ATP10A: variants seen among roughly 807,000 people sequenced by gnomAD.
The protein encoded by ATP10A is phospholipid-transporting ATPase VA.
In ATP10A, 111 loss-of-function variants were observed where a neutral mutation model predicts 147.8. The observed-to-expected ratio is 0.75, with a 90% CI of 0.64 to 0.88. The LOEUF (loss-of-function observed/expected upper bound fraction) is 0.88, where lower values mean the gene tolerates loss of function less well. Ranked by LOEUF, ATP10A falls within the 40% of genes least tolerant of loss-of-function variation. The probability of loss-of-function intolerance (pLI) is 0.00; values close to 1 mark genes in which losing one functional copy is unlikely to be tolerated. For synonymous variants in ATP10A, 875 were observed against 841.6 expected, an observed-to-expected ratio of 1.04 and a Z score of -0.69; for missense variants, 1,927 against 1,959.0, an observed-to-expected ratio of 0.98 and a Z score of 0.31.
downstream of ATP10A, among the ~76,000 whole-genome samples, chr15:25,674,137 T>C (rs1171579715): frequency 1.3e-5 from 2 of 152,204 alleles, no homozygotes; most frequent in Non-Finnish European, 2.9e-5. Flanking sequence ...ATGAGTTGCA[T>C]GGTGCCCTGA....
At chr15:25,835,324 T>G (rs756334409) in intron 1 of ATP10A, among the ~76,000 whole-genome samples, 1 of 152,158 alleles carries the variant, frequency 6.6e-6, no homozygotes. Flanking sequence ...TGGCAATGGA[T>G]GCAAAACTCT....
At chr15:25,706,579 G>C (rs886992634) in intron 12 of ATP10A, among the ~76,000 whole-genome samples, 2 of 152,202 alleles carry the variant, frequency 1.3e-5, no homozygotes, top group South Asian at 4.1e-4. Flanking sequence ...GGGCTCCTGG[G>C]CTCTGAGAGC....
intron 13 of ATP10A, among the ~76,000 whole-genome samples, chr15:25,701,279 T>C (rs949455409): frequency 2.0e-5 from 3 of 152,136 alleles, no homozygotes; most frequent in Non-Finnish European, 4.4e-5. Context: ...CCCAAGGTCC[T>C]GATAGCTGAT....
At chr15:25,847,404 T>C (rs1893069810) in intron 1 of ATP10A, among the ~76,000 whole-genome samples, 1 of 152,138 alleles carries the variant, frequency 6.6e-6, no homozygotes, top group African/African-American at 2.4e-5. Flanking sequence ...CTAAGAATGG[T>C]ACCATACAAA....
At chr15:25,681,203 G>T in intron 17 of ATP10A, 129 bp from the exon 18 acceptor site, 1 of 851,198 alleles carries the variant, frequency 1.2e-6, no homozygotes, top group Non-Finnish European at 1.8e-6. Flanking sequence ...ACCCTGAGGA[G>T]TAGAGCTGGG....
chr15:25,706,387 T>C (rs1163286884), intron 12 of ATP10A, among the ~76,000 whole-genome samples: 1 of 152,154 alleles, frequency 6.6e-6, no homozygotes, highest in Non-Finnish European at 1.5e-5. Context: ...TGCGCCACGC[T>C]CAGTGCCCCC....
chr15:25,799,889 A>G (rs1890856952), intron 1 of ATP10A, among the ~76,000 whole-genome samples: 1 of 152,218 alleles, frequency 6.6e-6, no homozygotes, highest in African/African-American at 2.4e-5. Context: ...AATACAATGT[A>G]TCTCTTCCTG....
intron 19 of ATP10A, 66 bp downstream of exon 19, chr15:25,680,744 G>T (rs1899356872): frequency 1.4e-6 from 2 of 1,440,578 alleles, no homozygotes; most frequent in South Asian, 1.1e-5. Context: ...TCATGAATCT[G>T]CAGGGAAGTG....
At chr15:25,734,264 C>T (rs4265780) in intron 3 of ATP10A, among the ~76,000 whole-genome samples, 105,777 of 152,138 alleles carry the variant, frequency 0.7, 39,340 homozygotes, top group Non-Finnish European at 0.84. Context: ...CCCTGCTGTG[C>T]CTCCACTGCC....
chr15:25,746,744 G>A (rs61438637), intron 2 of ATP10A, among the ~76,000 whole-genome samples: 25,669 of 152,134 alleles, frequency 0.17, 2,278 homozygotes, highest in Middle Eastern at 0.27. Context: ...AAGAAGTCAC[G>A]AGAGAAATTA....
chr15:25,722,937 T>C (rs1176966118), intron 6 of ATP10A, among the ~76,000 whole-genome samples: 1 of 152,144 alleles, frequency 6.6e-6, no homozygotes, highest in African/African-American at 2.4e-5. Context: ...ATAATAATAG[T>C]AACAATAGCA....
chr15:25,737,983 T>G (rs1160658372), intron 2 of ATP10A, among the ~76,000 whole-genome samples: 4 of 152,200 alleles, frequency 2.6e-5, no homozygotes, highest in Non-Finnish European at 5.9e-5. Context: ...TTCCGTTGCT[T>G]AAGCAGCCCA....
chr15:25,717,115 C>A (rs1901869401), intron 8 of ATP10A, among the ~76,000 whole-genome samples, 191 bp from the exon 9 acceptor site: 1 of 152,172 alleles, frequency 6.6e-6, no homozygotes, highest in African/African-American at 2.4e-5. Flanking sequence ...GAGCTTCTAT[C>A]CACTTTGTGA....
chr15:25,847,059 G>C (rs572083631), intron 1 of ATP10A, among the ~76,000 whole-genome samples: 1 of 152,188 alleles, frequency 6.6e-6, no homozygotes, highest in African/African-American at 2.4e-5. Flanking sequence ...AGCATCCATA[G>C]AGCATCTTTG....
Position 25,792,177 on chromosome 15 carries a change from C to T in ATP10A, c.450-10954G>A, listed in dbSNP as rs1453878018. 2.0e-5 allele frequency among the ~76,000 whole-genome samples: 3 copies of T among 152,196 alleles called. No individual in the cohort carries two copies. The East Asian group carries it at 5.8e-4, about 29-fold the overall frequency. On this transcript the variant is annotated intron_variant, in intron 1 of 20. Coordinates refer to ENST00000555815, the MANE Select transcript of ATP10A (RefSeq NM_024490.4). ...TACAGATAATATCATTTGATTTGGG[C>T]TTATTAGGTTCCATTAATCTACTTG...
At chr15:25,682,392 G>A (rs1043899625) in intron 17 of ATP10A, among the ~76,000 whole-genome samples, 5 of 152,142 alleles carry the variant, frequency 3.3e-5, no homozygotes, top group African/African-American at 1.2e-4. Flanking sequence ...ATTTGACCCT[G>A]CCAAGTACCA....
At chr15:25,686,346 C>T (rs1487988606) in intron 16 of ATP10A, among the ~76,000 whole-genome samples, 1 of 60,950 alleles carries the variant, frequency 1.6e-5, no homozygotes, top group Non-Finnish European at 2.7e-5. Flanking sequence ...ATTAGATGTG[C>T]GTGGTGACAC....
At chr15:25,687,558 A>G (rs766303429) in intron 16 of ATP10A, 145 bp downstream of exon 16, 12 of 572,666 alleles carry the variant, frequency 2.1e-5, no homozygotes, top group South Asian at 3.9e-5. Flanking sequence ...AGCCCAGGAC[A>G]GGGGACAATT....
downstream of ATP10A, chr15:25,678,070 C>T (rs1226105327): frequency 6.6e-6 from 1 of 152,134 alleles, no homozygotes; most frequent in African/African-American, 2.4e-5. Flanking sequence ...AAGCCCAGGT[C>T]TGAGTTGCTG....
Sources: gnomAD v4.1 joint callset for allele counts (sites outside exome capture counted in the v4.1 genomes callset) on GRCh38, gnomAD v4.1.1 for gene constraint, MANE v1.5 for transcripts, NCBI Gene and HGNC (gene_info 2026-07-23, HGNC 2026-07-21) for gene names.